Variants in CSMD1 observed in about 807,000 individuals in gnomAD.
CSMD1 encodes CUB and sushi domain-containing protein 1.
Under a neutral mutation model 417.5 loss-of-function variants are expected in CSMD1, and 213 were observed. The observed-to-expected ratio is 0.51, with a 90% CI of 0.46 to 0.57. The LOEUF is 0.57. Ranked by LOEUF, CSMD1 falls within the 20% of genes least tolerant of loss-of-function variation. The pLI is 0.00. For synonymous variants in CSMD1, 2,862 were observed against 1,736.8 expected, an observed-to-expected ratio of 1.65 and a Z score of -16.11; for missense variants, 6,923 against 4,529.7, an observed-to-expected ratio of 1.53 and a Z score of -15.17.
At chr8:3,542,752 G>A (rs1296760544) in intron 10 of CSMD1, among the ~76,000 whole-genome samples, 3 of 152,200 alleles carry the variant, frequency 2.0e-5, no homozygotes, top group African/African-American at 7.2e-5. Flanking sequence ...GAGCTGAATG[G>A]AACAGCTTGG....
At chr8:3,297,669 G>A (rs868710432) in intron 25 of CSMD1, among the ~76,000 whole-genome samples, 7 of 152,304 alleles carry the variant, frequency 4.6e-5, no homozygotes, top group Middle Eastern at 3.4e-3. Flanking sequence ...GTGGAATAGA[G>A]ATGTAAATGT....
At chr8:4,065,287 C>T (rs1429887845) in intron 3 of CSMD1, among the ~76,000 whole-genome samples, 1 of 152,176 alleles carries the variant, frequency 6.6e-6, no homozygotes, top group African/African-American at 2.4e-5. Flanking sequence ...GGCAGTGCTT[C>T]CCCATCCCCC....
At chr8:4,522,288 C>T (rs1803499517) in intron 2 of CSMD1, among the ~76,000 whole-genome samples, 2 of 152,176 alleles carry the variant, frequency 1.3e-5, no homozygotes, top group South Asian at 4.1e-4. Context: ...TTGCCTTCTG[C>T]CATAATTGTG....
chr8:3,998,132 G>C (rs370558638), intron 4 of CSMD1, 22 bp from the exon 5 acceptor site: 47 of 1,543,184 alleles, frequency 3.0e-5, no homozygotes, highest in Non-Finnish European at 4.0e-5. Flanking sequence ...AAAGCAGAAA[G>C]AAAGCATCAC....
rs557781937 is a variant in CSMD1, at chr8:3,856,466, C to G, written c.819-102424G>C. Among the ~76,000 whole-genome samples, 253 of 152,268 alleles carry G rather than the reference C, an allele frequency of 1.7e-3. 1 individual carries two copies. Among genetic ancestry groups the G allele is most frequent in the Non-Finnish European group, 8.8e-4 (60 of 68,020 alleles). Reference sequence around the variant, plus strand: ...AATACATACTACTCCTAACATGCTGCCCTATGAGTTCTTAATTGGTGAGGA... The same window carrying G: ...AATACATACTACTCCTAACATGCTGGCCTATGAGTTCTTAATTGGTGAGGA... On this transcript the variant is annotated intron_variant, in intron 5 of 69. Coordinates refer to ENST00000635120, the MANE Select transcript of CSMD1 (RefSeq NM_033225.6).
intron 1 of CSMD1, among the ~76,000 whole-genome samples, chr8:4,740,054 A>G (rs1810507261): frequency 6.6e-6 from 1 of 151,986 alleles, no homozygotes; most frequent in Admixed American, 6.6e-5. Flanking sequence ...AGCTCTGGGA[A>G]TGATCTCTGA....
intron 5 of CSMD1, among the ~76,000 whole-genome samples, chr8:3,969,207 G>C (rs542757422): frequency 1.7e-4 from 26 of 152,234 alleles, no homozygotes; most frequent in African/African-American, 5.3e-4. Flanking sequence ...CCTAGATCGT[G>C]ACACTGCACT....
At chr8:3,097,092 A>G (rs1815360951) in intron 46 of CSMD1, 55 bp from the exon 47 acceptor site, 5 of 1,349,642 alleles carry the variant, frequency 3.7e-6, no homozygotes, top group South Asian at 3.0e-5. Context: ...TCCAACTGCA[A>G]TAGGATAGTT....
At chr8:4,541,221 T>C (rs1797369192) in intron 2 of CSMD1, among the ~76,000 whole-genome samples, 1 of 152,162 alleles carries the variant, frequency 6.6e-6, no homozygotes, top group Admixed American at 6.5e-5. Context: ...ATCTCTGCTT[T>C]GCCAGTAACT....
rs112739938 is a variant in CSMD1, at chr8:3,518,765, CTGTT to C, written c.1345-25043_1345-25040del. ...GGAGAAGAACAGTTCATTACATGCT[CTGTT>C]TGTTAGAATTAATTACTAGATGGAA... On this transcript the variant is annotated intron_variant, in intron 10 of 69. Transcript: ENST00000635120. 3.7e-3 allele frequency among the ~76,000 whole-genome samples: 557 copies of C among 152,250 alleles called. 3 individuals are homozygous for C. The highest frequency in any genetic ancestry group is 0.013 in the African/African-American group (528 of 41,558).
At chr8:3,834,494 G>A (rs1249183237) in intron 5 of CSMD1, among the ~76,000 whole-genome samples, 3 of 152,176 alleles carry the variant, frequency 2.0e-5, no homozygotes, top group African/African-American at 7.2e-5. Context: ...CAGTACCTCG[G>A]TACTTAAGGG....
chr8:4,079,009 C>A (rs1233844253), intron 3 of CSMD1, among the ~76,000 whole-genome samples: 1 of 149,624 alleles, frequency 6.7e-6, no homozygotes, highest in African/African-American at 2.5e-5. Context: ...TCATATGTCA[C>A]CCATCTGATT....
chr8:4,126,465 G>C (rs548131965), intron 3 of CSMD1, among the ~76,000 whole-genome samples: 2 of 152,256 alleles, frequency 1.3e-5, no homozygotes, highest in East Asian at 1.9e-4. Flanking sequence ...GATTTCACTT[G>C]CTTAACCTGT....
intron 7 of CSMD1, among the ~76,000 whole-genome samples, chr8:3,671,515 T>TATA (rs1799044174): frequency 3.3e-4 from 1 of 3,004 alleles, no homozygotes; most frequent in Non-Finnish European, 6.1e-4. Flanking sequence ...ATATATATGA[T>TATA]CATATATATG....
chr8:4,316,906 G>A (rs895391848), intron 3 of CSMD1, among the ~76,000 whole-genome samples: 3 of 152,034 alleles, frequency 2.0e-5, no homozygotes, highest in African/African-American at 7.3e-5. Context: ...AATCTTCAAA[G>A]GAATAGAAAA....
At chr8:3,774,435 T>G (rs540992310) in intron 5 of CSMD1, among the ~76,000 whole-genome samples, 2 of 152,180 alleles carry the variant, frequency 1.3e-5, no homozygotes, top group South Asian at 4.2e-4. Flanking sequence ...CACCATGATA[T>G]CTCCATGCTG....
chr8:3,708,330 G>A, intron 7 of CSMD1, 84 bp downstream of exon 7: 1 of 1,070,102 alleles, frequency 9.3e-7, no homozygotes, highest in Non-Finnish European at 1.4e-6. Flanking sequence ...GAAGGTGGTG[G>A]GTGGGATCGC....
At chr8:3,737,348 G>C (rs528921726) in intron 6 of CSMD1, among the ~76,000 whole-genome samples, 1 of 152,092 alleles carries the variant, frequency 6.6e-6, no homozygotes, top group Non-Finnish European at 1.5e-5. Context: ...TTCCTAATGT[G>C]ACCCCCCTTT....
In CSMD1 at chr8:3,838,670, T is replaced by TAATATTATATAGTATAATATATAATA. The variant is rs1157066070; in HGVS notation, c.819-84654_819-84629dup. Among the ~76,000 whole-genome samples, 211 of 107,536 alleles carry TAATATTATATAGTATAATATATAATA rather than the reference T, an allele frequency of 2.0e-3. 32 individuals are homozygous for TAATATTATATAGTATAATATATAATA. The highest frequency in any genetic ancestry group is 3.0e-3 in the Non-Finnish European group (176 of 59,388). The allele number at this position is 107,536 out of a possible 152,430, so 70.5% of individuals were successfully genotyped here. A position where few individuals can be genotyped will look rare whatever the true frequency, so the allele number is the denominator to read the frequency against. On this transcript the variant is annotated intron_variant, in intron 5 of 69. Coordinates refer to ENST00000635120, the MANE Select transcript of CSMD1 (RefSeq NM_033225.6). ...TTATATAGTATAATATATAATAAAT[T>TAATATTATATAGTATAATATATAATA]AATATTATATAGTATAATATATAAT... is the stretch of plus-strand genomic sequence containing the variant.
Sources: allele counts gnomAD v4.1 joint callset (sites outside exome capture counted in the v4.1 genomes callset), GRCh38; gene constraint gnomAD v4.1.1; transcripts MANE v1.5; gene names NCBI Gene and HGNC (gene_info 2026-07-23, HGNC 2026-07-21).